MIPEP: variants seen among roughly 807,000 people sequenced by gnomAD.
The protein encoded by MIPEP is mitochondrial intermediate peptidase.
In MIPEP, 79 loss-of-function variants were observed where a neutral mutation model predicts 90.3. The observed-to-expected ratio is 0.87, with a 90% CI of 0.73 to 1.05. The LOEUF (loss-of-function observed/expected upper bound fraction) is 1.05. Ranked by LOEUF, MIPEP falls within the 50% of genes least tolerant of loss-of-function variation. MIPEP has a pLI of 0.00. For missense variants in MIPEP, 940 were observed against 905.6 expected, an observed-to-expected ratio of 1.04 and a Z score of -0.49; for synonymous variants, 334 against 315.8, an observed-to-expected ratio of 1.06 and a Z score of -0.61.
intron 17 of MIPEP, chr13:23,756,976 G>C (rs989668476): frequency 2.1e-5 from 6 of 279,618 alleles, no homozygotes; most frequent in African/African-American, 1.3e-4. Context: ...TTCCACAGAC[G>C]AGGGTTGATG....
intron 16 of MIPEP, among the ~76,000 whole-genome samples, chr13:23,805,535 A>C (rs114394112): frequency 0.013 from 1,979 of 152,322 alleles, 42 homozygotes; most frequent in African/African-American, 0.045. Flanking sequence ...CAACAAGATA[A>C]GATATGTAAA....
intron 18 of MIPEP, among the ~76,000 whole-genome samples, chr13:23,753,238 AAATAAT>A (rs1555231233): frequency 1.4e-5 from 2 of 143,182 alleles, no homozygotes; most frequent in Non-Finnish European, 3.0e-5. Flanking sequence ...AAAAAAAAAA[AAATAAT>A]AATAATAATA....
chr13:23,800,783 A>C (rs1366207512), intron 16 of MIPEP, among the ~76,000 whole-genome samples: 3 of 152,334 alleles, frequency 2.0e-5, no homozygotes, highest in Non-Finnish European at 2.9e-5. Flanking sequence ...TAGTGCCTAG[A>C]AATTATCCAT....
chr13:23,730,453 C>T lies in MIPEP; in HGVS notation c.2045-8G>A, dbSNP rs773348423. On this transcript the variant is annotated splice_polypyrimidine_tract_variant and splice_region_variant and intron_variant, in intron 18 of 18. Transcript: ENST00000382172. ...GACACTTCTGAAGCATACCTGCAAA[C>T]AAAGGAAAGGTCAGAACTGCGTTCA... 4 of 1,601,162 alleles carry T rather than the reference C, an allele frequency of 2.5e-6. No individual in the cohort carries two copies. The South Asian group carries it at 4.4e-5, about 18-fold the overall frequency.
At chr13:23,868,122 A>T (rs9551017) in intron 7 of MIPEP, among the ~76,000 whole-genome samples, 142,759 of 151,958 alleles carry the variant, frequency 0.94, 67,094 homozygotes, top group East Asian at 1. Context: ...ATGAAAAAAA[A>T]TGTAAGTGTT....
At chr13:23,775,490 A>G (rs1198719917) in intron 16 of MIPEP, among the ~76,000 whole-genome samples, 3 of 152,110 alleles carry the variant, frequency 2.0e-5, no homozygotes, top group African/African-American at 7.2e-5. Context: ...TTATCTCAAT[A>G]TATTCCTTGT....
At chr13:23,793,568 T>C (rs1040936275) in intron 16 of MIPEP, among the ~76,000 whole-genome samples, 1 of 152,084 alleles carries the variant, frequency 6.6e-6, no homozygotes, top group African/African-American at 2.4e-5. Flanking sequence ...TAAATATTTA[T>C]TGGGTACATA....
At chr13:23,871,281 C>T (rs183459205) in intron 5 of MIPEP, among the ~76,000 whole-genome samples, 1 of 152,254 alleles carries the variant, frequency 6.6e-6, no homozygotes. Flanking sequence ...CCTGAGAAAA[C>T]GTGTATTAGC....
chr13:23,734,096 A>C lies in MIPEP; in HGVS notation c.2045-3651T>G, dbSNP rs568559677. Among the ~76,000 whole-genome samples the C allele has an allele frequency of 2.0e-5, 3 of 152,322 alleles. No homozygotes were observed. The South Asian group carries it at 6.2e-4, about 32-fold the overall frequency. ...ATAAATCAGGTTTCATGCATTCCCT[A>C]TGTGCCAGGTTTCTTGATACAGAGA... On this transcript the variant is annotated intron_variant, in intron 18 of 18. Coordinates refer to ENST00000382172, the MANE Select transcript of MIPEP (RefSeq NM_005932.4).
chr13:23,742,605 GCTTA>G (rs2138491137), intron 18 of MIPEP, among the ~76,000 whole-genome samples: 1 of 152,322 alleles, frequency 6.6e-6, no homozygotes, highest in Non-Finnish European at 1.5e-5. Context: ...GGAGGAGGTT[GCTTA>G]CTATTTTTGC....
chr13:23,769,915 G>A (rs1045420317), intron 16 of MIPEP, among the ~76,000 whole-genome samples: 7 of 152,082 alleles, frequency 4.6e-5, no homozygotes, highest in Non-Finnish European at 7.4e-5. Context: ...GAGGAAGAGA[G>A]ACCTGAGCTA....
chr13:23,748,792 C>T (rs766853697), intron 18 of MIPEP, among the ~76,000 whole-genome samples: 3 of 152,206 alleles, frequency 2.0e-5, no homozygotes, highest in South Asian at 4.1e-4. Context: ...GCTTTGAGCA[C>T]GTTCTGGCAT....
At chr13:23,799,563 T>C (rs192971131) in intron 16 of MIPEP, among the ~76,000 whole-genome samples, 135 of 147,776 alleles carry the variant, frequency 9.1e-4, no homozygotes, top group African/African-American at 3.2e-3. Flanking sequence ...CCTGACCTCA[T>C]GGTCCGCCCG....
chr13:23,845,758 T>A (rs890570082), intron 10 of MIPEP, among the ~76,000 whole-genome samples: 2 of 152,264 alleles, frequency 1.3e-5, no homozygotes, highest in Non-Finnish European at 2.9e-5. Flanking sequence ...CCTAGTGCTC[T>A]CACTCTCGCC....
At chr13:23,879,393 T>C in intron 3 of MIPEP, 39 bp from the exon 4 acceptor site, 4 of 1,064,102 alleles carry the variant, frequency 3.8e-6, no homozygotes, top group Non-Finnish European at 5.8e-6. Context: ...GATGATTTTC[T>C]AATACCTTAT....
intron 10 of MIPEP, among the ~76,000 whole-genome samples, chr13:23,851,849 A>G (rs1346331118): frequency 6.6e-6 from 1 of 152,158 alleles, no homozygotes; most frequent in Non-Finnish European, 1.5e-5. Flanking sequence ...ATGTGTCACC[A>G]TGCTCAGCTA....
intron 18 of MIPEP, among the ~76,000 whole-genome samples, chr13:23,751,685 C>G (rs986749785): frequency 2.0e-5 from 3 of 152,110 alleles, no homozygotes; most frequent in Admixed American, 2.0e-4. Context: ...AGAAAGAGAG[C>G]ATAAGGAATT....
chr13:23,867,180 G>A (rs1870579549), intron 7 of MIPEP, among the ~76,000 whole-genome samples: 1 of 152,122 alleles, frequency 6.6e-6, no homozygotes, highest in Non-Finnish European at 1.5e-5. Context: ...GTGACCTGCT[G>A]CACTTGCATC....
Position 23,760,264 on chromosome 13 carries a change from C to T in MIPEP, c.1849-47G>A, listed in dbSNP as rs746406909. 3.1e-6 allele frequency: 5 copies of T among 1,612,812 alleles called. No homozygotes were observed. The African/African-American group carries it at 6.7e-5, about 22-fold the overall frequency. Reference sequence around the variant, plus strand: ...AGCACGGGACACAAGTCAGTTTCCACTTGGAGAATATCACATGTGAGAACA... The same window carrying T: ...AGCACGGGACACAAGTCAGTTTCCATTTGGAGAATATCACATGTGAGAACA... On this transcript the variant is annotated intron_variant, in intron 16 of 18. Coordinates refer to ENST00000382172, the MANE Select transcript of MIPEP (RefSeq NM_005932.4).
Sources: allele counts gnomAD v4.1 joint callset (sites outside exome capture counted in the v4.1 genomes callset), GRCh38; gene constraint gnomAD v4.1.1; transcripts MANE v1.5; gene names NCBI Gene and HGNC (gene_info 2026-07-23, HGNC 2026-07-21).